The following CTNND2 variants were observed in gnomAD, a reference collection of about 807,000 sequenced individuals.
The protein encoded by CTNND2 is catenin delta 2, also known as catenin delta-2.
A neutral mutation model predicts 144.4 loss-of-function variants in CTNND2; 22 were observed. The ratio of observed to expected loss-of-function variants is 0.15; its 90% confidence interval spans 0.11 to 0.22. CTNND2 has a LOEUF of 0.22. Among genes scored for constraint, CTNND2 ranks in the 10% least tolerant of loss-of-function variants. CTNND2 has a pLI of 1.00. For synonymous variants in CTNND2, 751 were observed against 695.6 expected (o/e 1.08, Z -1.25); for missense variants, 1,353 against 1,618.8 (o/e 0.84, Z 2.82).
rs112566684 is a variant in CTNND2, at chr5:11,206,204, A to G, written c.1762-6543T>C. ...ACTTTATAAACTGGATTTAGGATGTACGGTATATATCGAATAGATCTCTTG... is the reference window on the plus strand; with the variant it reads ...ACTTTATAAACTGGATTTAGGATGTGCGGTATATATCGAATAGATCTCTTG... On this transcript the variant is annotated intron_variant, in intron 10 of 21. Coordinates refer to ENST00000304623, the MANE Select transcript of CTNND2 (RefSeq NM_001332.4). Among the ~76,000 whole-genome samples the G allele has an allele frequency of 9.6e-3, 1,455 of 152,326 alleles. 25 individuals are homozygous for G. The highest frequency in any genetic ancestry group is 0.028 in the African/African-American group (1,175 of 41,570).
intron 1 of CTNND2, among the ~76,000 whole-genome samples, chr5:11,763,799 T>C (rs4702824): frequency 0.95 from 144,947 of 152,152 alleles, 69,428 homozygotes; most frequent in East Asian, 1. Context: ...GATCAGTAGC[T>C]GGTTTCCCTG....
intron 1 of CTNND2, among the ~76,000 whole-genome samples, chr5:11,809,534 C>T (rs1226453223): frequency 2.0e-5 from 3 of 152,168 alleles, no homozygotes; most frequent in Non-Finnish European, 4.4e-5. Flanking sequence ...AAGAGTAAGT[C>T]ATGGTGGAAA....
chr5:11,692,264 C>G (rs1409747262), intron 2 of CTNND2, among the ~76,000 whole-genome samples: 2 of 152,004 alleles, frequency 1.3e-5, no homozygotes, highest in African/African-American at 2.4e-5. Context: ...TACCTTCTTT[C>G]AGAAATTTCA....
At chr5:11,362,444 CA>C (rs1756560889) in intron 8 of CTNND2, among the ~76,000 whole-genome samples, 1 of 152,168 alleles carries the variant, frequency 6.6e-6, no homozygotes, top group African/African-American at 2.4e-5. Flanking sequence ...GGTATAGACA[CA>C]GGGGTAACCT....
intron 10 of CTNND2, among the ~76,000 whole-genome samples, chr5:11,216,202 G>C (rs1739157685): frequency 6.6e-6 from 1 of 152,110 alleles, no homozygotes; most frequent in Non-Finnish European, 1.5e-5. Flanking sequence ...TCTAATACAC[G>C]GTGGTAGGCA....
intron 3 of CTNND2, among the ~76,000 whole-genome samples, chr5:11,542,385 T>C (rs1235180137): frequency 6.6e-6 from 1 of 152,214 alleles, no homozygotes; most frequent in East Asian, 1.9e-4. Context: ...AAATGAGAAT[T>C]CTGAGTATTA....
chr5:11,249,381 T>C (rs1385580686), intron 9 of CTNND2, among the ~76,000 whole-genome samples: 1 of 152,184 alleles, frequency 6.6e-6, no homozygotes, highest in East Asian at 1.9e-4. Context: ...TTGAATAGAC[T>C]GACAAAATTT....
chr5:11,395,180 G>T (rs1759974444), intron 6 of CTNND2, among the ~76,000 whole-genome samples: 1 of 152,196 alleles, frequency 6.6e-6, no homozygotes, highest in African/African-American at 2.4e-5. Context: ...AACACTAAAA[G>T]CAGAGTGAAA....
At chr5:11,527,027 G>A (rs1166053969) in intron 3 of CTNND2, among the ~76,000 whole-genome samples, 1 of 152,146 alleles carries the variant, frequency 6.6e-6, no homozygotes, top group Non-Finnish European at 1.5e-5. Flanking sequence ...AATGTACCTA[G>A]AGTAGGCAAA....
intron 2 of CTNND2, among the ~76,000 whole-genome samples, chr5:11,632,331 G>T (rs1157664657): frequency 6.6e-6 from 1 of 152,162 alleles, no homozygotes; most frequent in Non-Finnish European, 1.5e-5. Flanking sequence ...TCAACCTGGG[G>T]TCCTGCGGTG....
intron 2 of CTNND2, among the ~76,000 whole-genome samples, chr5:11,627,083 AATTGGGTCATG>A (rs1165324094): frequency 6.6e-6 from 1 of 152,134 alleles, no homozygotes; most frequent in East Asian, 1.9e-4. Context: ...TATGCTCCAA[AATTGGGTCATG>A]AGGAGCAAGT....
intron 6 of CTNND2, among the ~76,000 whole-genome samples, chr5:11,392,121 C>T (rs1759685268): frequency 6.6e-6 from 1 of 152,196 alleles, no homozygotes; most frequent in Non-Finnish European, 1.5e-5. Flanking sequence ...GTCTCTGCCA[C>T]TGCAGTTAGA....
In CTNND2 at chr5:11,082,688, G is replaced by A; in HGVS notation, c.2788+8C>T. The A allele has an allele frequency of 6.2e-7, 1 of 1,613,510 alleles. No homozygotes were observed. The highest frequency in any genetic ancestry group is 8.5e-7 in the Non-Finnish European group (1 of 1,179,668). ...CACTTGAGACACTGTGAATCAGGGA[G>A]AACATACCGATGAGCTCCTTATTTC... is the stretch of plus-strand genomic sequence containing the variant. On this transcript the variant is annotated splice_region_variant and intron_variant, in intron 16 of 21. Transcript: ENST00000304623.
chr5:11,435,300 G>A (rs1173226524), intron 3 of CTNND2, among the ~76,000 whole-genome samples: 1 of 151,824 alleles, frequency 6.6e-6, no homozygotes, highest in African/African-American at 2.4e-5. Flanking sequence ...CACCAAGCCC[G>A]GCTAATTTTT....
chr5:11,083,714 C>T (rs1005078101), intron 15 of CTNND2, among the ~76,000 whole-genome samples: 1 of 152,218 alleles, frequency 6.6e-6, no homozygotes, highest in African/African-American at 2.4e-5. Context: ...AGGGTTTTAC[C>T]TGTTGCAATT....
intron 2 of CTNND2, among the ~76,000 whole-genome samples, chr5:11,607,903 CTG>C (rs1463423476): frequency 6.6e-6 from 1 of 152,156 alleles, no homozygotes; most frequent in African/African-American, 2.4e-5. Flanking sequence ...CACGTTGACA[CTG>C]TGCATTAGAA....
At chr5:11,291,001 T>C (rs371838256) in intron 9 of CTNND2, among the ~76,000 whole-genome samples, 6 of 152,232 alleles carry the variant, frequency 3.9e-5, no homozygotes, top group African/African-American at 1.4e-4. Context: ...GAAATCATGC[T>C]ACTGGGGAGA....
At chr5:11,013,781 G>T (rs1316287287) in intron 18 of CTNND2, among the ~76,000 whole-genome samples, 1 of 152,164 alleles carries the variant, frequency 6.6e-6, no homozygotes, top group South Asian at 2.1e-4. Context: ...TTTTGCAGGG[G>T]TTATGCAGCC....
At chr5:11,218,139 C>A (rs949360691) in intron 10 of CTNND2, among the ~76,000 whole-genome samples, 2 of 151,248 alleles carry the variant, frequency 1.3e-5, no homozygotes, top group Non-Finnish European at 2.9e-5. Context: ...TAACAATATC[C>A]CTGAATATAA....
Sources: allele counts gnomAD v4.1 joint callset (sites outside exome capture counted in the v4.1 genomes callset), GRCh38; gene constraint gnomAD v4.1.1; transcripts MANE v1.5; gene names NCBI Gene and HGNC (gene_info 2026-07-23, HGNC 2026-07-21).